Variants in ASAH1 observed in about 807,000 individuals in gnomAD.
ASAH1 encodes N-acylsphingosine amidohydrolase 1.
Under a neutral mutation model 59.5 loss-of-function variants are expected in ASAH1, and 70 were observed. The observed-to-expected ratio is 1.18, with a 90% CI of 0.97 to 1.43. The LOEUF is 1.43. Ranked by LOEUF, ASAH1 falls within the 40% of genes most tolerant of loss-of-function variation. The pLI is 0.00. For synonymous variants in ASAH1, 213 were observed against 166.5 expected, an observed-to-expected ratio of 1.28 and a Z score of -2.15; for missense variants, 660 against 482.5, an observed-to-expected ratio of 1.37 and a Z score of -3.45.
chr8:18,079,917 C>T (rs1187336254), intron 1 of ASAH1, among the ~76,000 whole-genome samples: 1 of 152,174 alleles, frequency 6.6e-6, no homozygotes, highest in East Asian at 1.9e-4. Context: ...GGGATGGCAT[C>T]CTATTAAGCT....
Position 18,057,506 on chromosome 8 carries a change from G to C in ASAH1, c.*28C>G. ...GGAGATGGTGTCTTCATGTCTCAGA[G>C]GCCGCATTCTGTAGGCCAGACGTGT... is the stretch of plus-strand genomic sequence containing the variant. On this transcript the variant is annotated 3_prime_UTR_variant, in exon 14 of 14. Transcript: ENST00000637790. 9.7e-6 allele frequency: 15 copies of C among 1,546,136 alleles called. No homozygotes were observed. Among genetic ancestry groups the C allele is most frequent in the Non-Finnish European group, 1.2e-5 (14 of 1,125,498 alleles).
chr8:18,062,354 G>A lies in ASAH1; in HGVS notation c.573C>T (p.Phe191=), dbSNP rs1366429587. 1 of 1,614,154 alleles carries A rather than the reference G, an allele frequency of 6.2e-7. No homozygotes were observed. Among genetic ancestry groups the A allele is most frequent in the East Asian group, 2.2e-5 (1 of 44,872 alleles). The part of the protein sequence containing the change: ...QLKPLTVNLD[F]QRNNKTVFKA... ...TGAAGACAGTTTTGTTGTTTCTTTG[G>A]AAATCCAAATTCACTGTTAAAGGTT... Residue 191 remains phenylalanine (F), a synonymous_variant, in exon 8 of 14, where the codon TTC becomes TTT. Transcript: ENST00000637790.
chr8:18,075,857 A>G (rs911231078), intron 1 of ASAH1: 2 of 487,722 alleles, frequency 4.1e-6, no homozygotes, highest in African/African-American at 3.9e-5. Context: ...GTAACGAACA[A>G]ATGTAACAAA....
intron 4 of ASAH1, chr8:18,067,922 C>T (rs1279583810): frequency 2.6e-5 from 4 of 152,186 alleles, no homozygotes; most frequent in Non-Finnish European, 4.4e-5. Flanking sequence ...CGGCCTTTTG[C>T]TGAGATAATC....
chr8:18,073,195 A>G, intron 2 of ASAH1: 1 of 1,445,610 alleles, frequency 6.9e-7, no homozygotes, highest in Non-Finnish European at 9.6e-7. Flanking sequence ...CAGTTTTCTA[A>G]AACATTTCAG....
chr8:18,076,974 C>G (rs1017103266), intron 1 of ASAH1, among the ~76,000 whole-genome samples: 6 of 152,208 alleles, frequency 3.9e-5, no homozygotes, highest in Admixed American at 1.3e-4. Flanking sequence ...GAAACAATAT[C>G]AAGTCTGTAG....
At chr8:18,068,016 G>A (rs1007905554) in intron 4 of ASAH1, 1 of 151,696 alleles carries the variant, frequency 6.6e-6, no homozygotes, top group Non-Finnish European at 1.5e-5. Flanking sequence ...TTTCTCCCTA[G>A]GAACTCAAAG....
At position 18,075,313 on chromosome 8, in the gene ASAH1, T is replaced by C. The variant is rs117961098; in HGVS notation, c.125+228A>G. 1.5e-3 allele frequency among the ~76,000 whole-genome samples: 233 copies of C among 152,286 alleles called. 3 individuals are homozygous for C. In the East Asian group the frequency reaches 0.039, roughly 26 times the overall value. On this transcript the variant is annotated intron_variant, in intron 2 of 13. Transcript: ENST00000637790. Reference sequence around the variant, plus strand: ...TGGCTGAAAATCCTTTTCTTTCCGATGATTTTGATAGTCTAGCGACGGGCA... The same window carrying C: ...TGGCTGAAAATCCTTTTCTTTCCGACGATTTTGATAGTCTAGCGACGGGCA...
In ASAH1 at chr8:18,069,879, C is replaced by T; in HGVS notation, c.217-1G>A. The T allele has an allele frequency of 6.4e-7, 1 of 1,569,744 alleles. No homozygotes were observed. The highest frequency in any genetic ancestry group is 8.7e-7 in the Non-Finnish European group (1 of 1,144,548). ...TCAGAGAATTCACTATAACCTTTAG[C>T]TGAAAAATAAATAAAATGCTTACTA... On this transcript the variant is annotated splice_acceptor_variant, in intron 3 of 13. Coordinates refer to ENST00000637790, the MANE Select transcript of ASAH1 (RefSeq NM_177924.5). LOFTEE classifies it high-confidence loss of function.
In ASAH1 at chr8:18,071,344, G is replaced by C. The variant is rs1232602989; in HGVS notation, c.172C>G (p.Pro58Ala). 6.2e-7 allele frequency: 1 copy of C among 1,605,318 alleles called. No homozygotes were observed. Among genetic ancestry groups the C allele is most frequent in the Non-Finnish European group, 8.5e-7 (1 of 1,173,956 alleles). The change falls in exon 3 of 14, where the codon CCC becomes GCC. Residue 58 changes from proline to alanine, a missense_variant. Coordinates refer to ENST00000637790, the MANE Select transcript of ASAH1 (RefSeq NM_177924.5). Reference sequence around the variant, plus strand: ...ATCAATTCATGCCATCTTTTGTAGGGTGGTAAGTCAAGATTTATGGTGTAC... The same window carrying C: ...ATCAATTCATGCCATCTTTTGTAGGCTGGTAAGTCAAGATTTATGGTGTAC... ...PWYTINLDLP[P>A]YKRWHELMLD...
intron 4 of ASAH1, chr8:18,069,562 CA>C (rs1317681922): frequency 2.2e-6 from 1 of 453,174 alleles, no homozygotes; most frequent in Non-Finnish European, 4.0e-6. Flanking sequence ...GTTATTTGCC[CA>C]ATGTCGTAAT....
At chr8:18,084,599 G>T, upstream of ASAH1, 1 of 1,596,856 alleles carries the variant, frequency 6.3e-7, no homozygotes, top group Non-Finnish European at 8.5e-7. Context: ...CGGAGTCAGG[G>T]ACAAGGAGCA....
rs778777347 is a variant in ASAH1, at chr8:18,061,736, A to G, written c.653T>C (p.Leu218Pro). 2.5e-6 allele frequency: 4 copies of G among 1,572,498 alleles called. No homozygotes were observed. Among genetic ancestry groups the G allele is most frequent in the Non-Finnish European group, 3.5e-6 (4 of 1,157,122 alleles). ...ACGTTCATTCAGTGTAAGACTGAAC[A>G]GTCCCTGAGAAAAAGACAAAGCAAC... Reference protein sequence around the residue: ...VGMLTGFKPGLFSLTLNERFS... With the variant: ...VGMLTGFKPGPFSLTLNERFS... The change falls in exon 9 of 14, where the codon CTG becomes CCG. Residue 218 changes from leucine to proline, a missense_variant. Leu to Pro is a moderately conservative substitution (Grantham distance 98). Transcript: ENST00000637790.
Position 18,077,914 on chromosome 8 carries a change from G to A in ASAH1, c.79-2327C>T, listed in dbSNP as rs541707751. 1.1e-4 allele frequency among the ~76,000 whole-genome samples: 16 copies of A among 152,170 alleles called. No homozygotes were observed. The South Asian group carries it at 2.1e-3, about 20-fold the overall frequency. ...CTATGAGTTGGGAATACTGTGATGGGTACTTAACCCAAGTGCTTAATTTTA... is the reference window on the plus strand; with the variant it reads ...CTATGAGTTGGGAATACTGTGATGGATACTTAACCCAAGTGCTTAATTTTA... On this transcript the variant is annotated intron_variant, in intron 1 of 13. Transcript: ENST00000637790.
intron 2 of ASAH1, among the ~76,000 whole-genome samples, chr8:18,072,505 C>G (rs1432414664): frequency 6.6e-6 from 1 of 151,560 alleles, no homozygotes. Context: ...GTGATTTAGA[C>G]AGAAAAGTAT....
chr8:18,075,488 G>T (rs763185552), intron 2 of ASAH1, 53 bp downstream of exon 2: 2 of 1,575,008 alleles, frequency 1.3e-6, no homozygotes, highest in Non-Finnish European at 1.7e-6. Flanking sequence ...ATTACATACA[G>T]AAAAAACTTC....
intron 1 of ASAH1, 116 bp downstream of exon 1, chr8:18,083,865 A>C (rs911788125): frequency 3.3e-5 from 50 of 1,520,862 alleles, no homozygotes; most frequent in Non-Finnish European, 4.4e-5. Flanking sequence ...AGACCCCCGT[A>C]AAGAAGCTGC....
At chr8:18,080,582 G>A (rs1279126752) in intron 1 of ASAH1, among the ~76,000 whole-genome samples, 2 of 152,044 alleles carry the variant, frequency 1.3e-5, no homozygotes, top group Non-Finnish European at 2.9e-5. Flanking sequence ...TTTCTGTGAC[G>A]AAGTTTCGCT....
In ASAH1 at chr8:18,083,916, C is replaced by T. The variant is rs1207971154; in HGVS notation, c.78+65G>A. On this transcript the variant is annotated intron_variant, in intron 1 of 13. Transcript: ENST00000637790. ...CCTTGTACCCGCTCGCGCCGCCACA[C>T]CTGCGCCTCCATCCGCGCCCGCACC... 4.5e-6 allele frequency: 7 copies of T among 1,553,382 alleles called. No individual in the cohort carries two copies. In the South Asian group the frequency reaches 8.1e-5, roughly 18 times the overall value.
Sources: allele counts gnomAD v4.1 joint callset (sites outside exome capture counted in the v4.1 genomes callset), GRCh38; gene constraint gnomAD v4.1.1; transcripts MANE v1.5; gene names NCBI Gene and HGNC (gene_info 2026-07-23, HGNC 2026-07-21).